Variants in WDR33 observed in about 807,000 individuals in gnomAD.
WDR33 encodes WD repeat domain 33, also known as pre-mRNA 3' end processing protein WDR33.
WDR33 carries 47 observed loss-of-function variants against 164.9 expected under a neutral mutation model. The observed-to-expected ratio is 0.29, with a 90% CI of 0.23 to 0.36. The LOEUF (loss-of-function observed/expected upper bound fraction) is 0.36, where lower values mean the gene tolerates loss of function less well. WDR33 is among the 10% of genes least tolerant of loss of function. WDR33 has a pLI of 1.00. For missense variants in WDR33, 1,137 were observed against 1,754.1 expected (o/e 0.65, Z 6.28); for synonymous variants, 505 against 589.0 (o/e 0.86, Z 2.06).
intron 1 of WDR33, among the ~76,000 whole-genome samples, chr2:127,780,862 TTTA>T: frequency 6.6e-6 from 1 of 152,222 alleles, no homozygotes; most frequent in Non-Finnish European, 1.5e-5. Flanking sequence ...TTAATAGCTT[TTTA>T]TTTTTTACTT....
chr2:127,745,614 G>A (rs914979447), intron 7 of WDR33, among the ~76,000 whole-genome samples: 2 of 152,156 alleles, frequency 1.3e-5, no homozygotes, highest in African/African-American at 2.4e-5. Context: ...TGAAGTATCT[G>A]ATTTTGATCC....
chr2:127,762,353 C>T, intron 7 of WDR33: 1 of 274,674 alleles, frequency 3.6e-6, no homozygotes, highest in Non-Finnish European at 5.5e-6. Context: ...ATATATACAA[C>T]AAATTCCTTA....
At chr2:127,805,074 T>TC in intron 1 of WDR33, among the ~76,000 whole-genome samples, 1 of 106,136 alleles carries the variant, frequency 9.4e-6, no homozygotes, top group East Asian at 2.4e-4. Context: ...TTTTCTTTTT[T>TC]TTTTTTTTTT....
chr2:127,790,866 A>G (rs1688819644), intron 1 of WDR33, among the ~76,000 whole-genome samples: 2 of 152,146 alleles, frequency 1.3e-5, no homozygotes, highest in South Asian at 4.1e-4. Context: ...GGAGTTGATC[A>G]ATTTCTCTTA....
At chr2:127,755,013 A>T (rs1326785902) in intron 7 of WDR33, among the ~76,000 whole-genome samples, 1 of 152,170 alleles carries the variant, frequency 6.6e-6, no homozygotes, top group East Asian at 1.9e-4. Context: ...TAAGTATTCT[A>T]TTAAGTGGGG....
At chr2:127,737,360 C>T in intron 7 of WDR33, 1 of 985,412 alleles carries the variant, frequency 1.0e-6, no homozygotes, top group Non-Finnish European at 1.2e-6. Flanking sequence ...TGTGTGTGTA[C>T]ATATGTGTGT....
Position 127,724,869 on chromosome 2 carries a change from C to G in WDR33, c.1085+18G>C. Reference sequence around the variant, plus strand: ...CTCTTCACAAAATACACTACTTTTTCACATAAATCTTACATACCCAACATG... The same window carrying G: ...CTCTTCACAAAATACACTACTTTTTGACATAAATCTTACATACCCAACATG... On this transcript the variant is annotated intron_variant, in intron 10 of 21. Transcript: ENST00000322313. The surrounding 1 kb of genome is among the most constrained non-coding windows in gnomAD (Gnocchi z 4.8). 3 of 1,613,512 alleles carry G rather than the reference C, an allele frequency of 1.9e-6. No individual in the cohort carries two copies. Among genetic ancestry groups the G allele is most frequent in the Non-Finnish European group, 1.7e-6 (2 of 1,179,494 alleles).
At chr2:127,795,701 C>CA (rs1239008725) in intron 1 of WDR33, among the ~76,000 whole-genome samples, 3 of 149,898 alleles carry the variant, frequency 2.0e-5, no homozygotes, top group Non-Finnish European at 4.4e-5. Context: ...GGTGTGGTGG[C>CA]ATGCTCCTGT....
rs774718165 is a variant in WDR33 at position 127,723,620 on chromosome 2, G to T, written c.1197-273C>A. The stretch of plus-strand genomic sequence containing the variant: ...AAATAAAAATTAAAAAGTTAGCTGG[G>T]TGTGGTGGCACACACCTGTAGTCTC... On this transcript the variant is annotated intron_variant, in intron 11 of 21. Coordinates refer to ENST00000322313, the MANE Select transcript of WDR33 (RefSeq NM_018383.5). This position sits in a 1 kb window ranked among gnomAD's most constrained non-coding sequence, Gnocchi z 5.9. Among the ~76,000 whole-genome samples the T allele has an allele frequency of 6.6e-6, 1 of 151,706 alleles. No homozygotes were observed. The highest frequency in any genetic ancestry group is 1.5e-5 in the Non-Finnish European group (1 of 67,972).
chr2:127,804,082 G>A (rs1360456309), intron 1 of WDR33, among the ~76,000 whole-genome samples: 1 of 152,146 alleles, frequency 6.6e-6, no homozygotes, highest in East Asian at 1.9e-4. Context: ...AGCACTTTGG[G>A]AGGCCGAGGA....
At position 127,711,774 on chromosome 2, in the gene WDR33, A is replaced by ATTTTTTTTTT. The variant is rs1382438028; in HGVS notation, c.3308+1808_3308+1809insAAAAAAAAAA. On this transcript the variant is annotated intron_variant, in intron 18 of 21. Transcript: ENST00000322313. ...CAGATATATATATATATATATATAT[A>ATTTTTTTTTT]TATATATTTTTTTTTTGAGACAGAG... Among the ~76,000 whole-genome samples, 87 of 93,318 alleles carry ATTTTTTTTTT rather than the reference A, an allele frequency of 9.3e-4. 3 individuals carry two copies. Among genetic ancestry groups the ATTTTTTTTTT allele is most frequent in the South Asian group, 2.1e-3 (5 of 2,410 alleles). The allele number at this position is 93,318 out of a possible 152,430, so 61.2% of individuals were successfully genotyped here.
intron 1 of WDR33, among the ~76,000 whole-genome samples, chr2:127,802,907 C>A (rs576086495): frequency 6.6e-6 from 1 of 151,810 alleles, no homozygotes; most frequent in African/African-American, 2.4e-5. Context: ...CCCAAACCTG[C>A]GAGGTTGAGG....
Position 127,702,177 on chromosome 2 carries a change from G to T in WDR33, c.*4146C>A. ...CCTCGCCAAGGTGCTGCCCGTGTGAGGACCTCGCGCCCTCGCCGCTGGGGA... is the reference window on the plus strand; with the variant it reads ...CCTCGCCAAGGTGCTGCCCGTGTGATGACCTCGCGCCCTCGCCGCTGGGGA... On this transcript the variant is annotated 3_prime_UTR_variant, in exon 22 of 22. Coordinates refer to ENST00000322313, the MANE Select transcript of WDR33 (RefSeq NM_018383.5). 8.2e-7 allele frequency: 1 copy of T among 1,213,720 alleles called. No homozygotes were observed. Among genetic ancestry groups the T allele is most frequent in the Non-Finnish European group, 1.0e-6 (1 of 975,670 alleles). The allele number at this position is 1,213,720 out of a possible 1,614,324, so 75.2% of individuals were successfully genotyped here.
At chr2:127,774,858 A>G (rs1055301248) in intron 1 of WDR33, among the ~76,000 whole-genome samples, 1 of 152,156 alleles carries the variant, frequency 6.6e-6, no homozygotes. Context: ...AAATTATGCT[A>G]AGTGAAAGAA....
At position 127,711,098 on chromosome 2, in the gene WDR33, G is replaced by A. The variant is rs527661581; in HGVS notation, c.3309-1242C>T. Among the ~76,000 whole-genome samples, 114 of 152,278 alleles carry A rather than the reference G, an allele frequency of 7.5e-4. 1 individual carries two copies. Among genetic ancestry groups the A allele is most frequent in the African/African-American group, 2.6e-3 (107 of 41,554 alleles). ...ACTCTCACACACCAGCCTAGGCTAT[G>A]GGTCTGCACTGACAGATGAAACACA... On this transcript the variant is annotated intron_variant, in intron 18 of 21. Coordinates refer to ENST00000322313, the MANE Select transcript of WDR33 (RefSeq NM_018383.5).
chr2:127,730,952 A>C (rs918950051), intron 7 of WDR33, among the ~76,000 whole-genome samples: 2 of 151,196 alleles, frequency 1.3e-5, no homozygotes, highest in Non-Finnish European at 2.9e-5. Context: ...GAAAAAAAAA[A>C]CACCACTGAA....
At position 127,749,457 on chromosome 2, in the gene WDR33, T is replaced by C. The variant is rs1219827696; in HGVS notation, c.724+13605A>G. Among the ~76,000 whole-genome samples the C allele has an allele frequency of 2.6e-5, 4 of 151,578 alleles. No individual in the cohort carries two copies. In the South Asian group the frequency reaches 6.3e-4, roughly 24 times the overall value. On this transcript the variant is annotated intron_variant, in intron 7 of 21. Coordinates refer to ENST00000322313, the MANE Select transcript of WDR33 (RefSeq NM_018383.5). ...CAGGTGGATCACCCGAGGTCAGGGG[T>C]TTGAGACCAGCCTGGCCAACATGGT...
chr2:127,808,195 C>T (rs1462619811), intron 1 of WDR33, among the ~76,000 whole-genome samples: 6 of 152,178 alleles, frequency 3.9e-5, no homozygotes. Context: ...AAAATGTTAA[C>T]ATTTAAAGAA....
chr2:127,747,746 C>T (rs929197057), intron 7 of WDR33, among the ~76,000 whole-genome samples: 2 of 152,166 alleles, frequency 1.3e-5, no homozygotes, highest in African/African-American at 4.8e-5. Flanking sequence ...CTGGTTCCAA[C>T]CTGTGCCTGC....
Sources: allele counts gnomAD v4.1 joint callset (sites outside exome capture counted in the v4.1 genomes callset), GRCh38; gene constraint gnomAD v4.1.1; non-coding constraint Gnocchi (gnomAD v3.1); transcripts MANE v1.5; gene names NCBI Gene and HGNC (gene_info 2026-07-23, HGNC 2026-07-21).